The following DMBT1 variants were observed in gnomAD, a reference collection of about 807,000 sequenced individuals.
The protein encoded by DMBT1 is deleted in malignant brain tumors 1, also known as scavenger receptor cysteine-rich domain-containing protein DMBT1.
In DMBT1, 198 loss-of-function variants were observed where a neutral mutation model predicts 252.9. The observed-to-expected ratio is 0.78, with a 90% CI of 0.70 to 0.88. DMBT1 has a LOEUF of 0.88. Ranked by LOEUF, DMBT1 falls within the 40% of genes least tolerant of loss-of-function variation. DMBT1 has a pLI of 0.00. For synonymous variants in DMBT1, 990 were observed against 942.7 expected, an observed-to-expected ratio of 1.05 and a Z score of -0.92; for missense variants, 2,432 against 2,404.7, an observed-to-expected ratio of 1.01 and a Z score of -0.24.
rs1231062956 is a variant in DMBT1 at position 122,640,045 on chromosome 10, C to T, written c.6948C>T (p.Asp2316=). ...YSGCGTFKQA[D]NDTIDYSNFL... The stretch of plus-strand genomic sequence containing the variant: ...CTCTTGCCTGCCTCTCCTAGGCAGA[C>T]AATGACACCATCGACTATTCCAACT... The change falls in exon 55 of 56, where the codon GAC becomes GAT. Residue 2316 remains aspartate (D), a synonymous_variant. Coordinates refer to ENST00000338354, the MANE Select transcript of DMBT1 (RefSeq NM_001377530.1). The T allele has an allele frequency of 6.2e-7, 1 of 1,613,434 alleles. No individual in the cohort carries two copies.
chr10:122,598,069 T>C, intron 25 of DMBT1, 57 bp downstream of exon 25: 1 of 1,611,536 alleles, frequency 6.2e-7, no homozygotes. Flanking sequence ...GACAAATGTT[T>C]TTTCTGAAAA....
At chr10:122,561,017 G>T (rs2097541521) in intron 1 of DMBT1, among the ~76,000 whole-genome samples, 186 bp downstream of exon 1, 1 of 152,152 alleles carries the variant, frequency 6.6e-6, no homozygotes, top group South Asian at 2.1e-4. Flanking sequence ...TTCTGGCTGA[G>T]AAATATAAAT....
rs1165612300 is a variant in DMBT1 at position 122,593,611 on chromosome 10, T to G, written c.2530+13T>G. 4 of 1,585,894 alleles carry G rather than the reference T, an allele frequency of 2.5e-6. No individual in the cohort carries two copies. Among genetic ancestry groups the G allele is most frequent in the Admixed American group, 3.4e-5 (2 of 59,186 alleles). ...ACACCCAGTCCAGGTAGGTCCCCAG[T>G]GTCCTTCCTCAAAATGTCCCTTCTC... is the stretch of plus-strand genomic sequence containing the variant. On this transcript the variant is annotated intron_variant, in intron 21 of 55. Coordinates refer to ENST00000338354, the MANE Select transcript of DMBT1 (RefSeq NM_001377530.1).
chr10:122,634,981 T>G (rs2098214705), intron 52 of DMBT1, among the ~76,000 whole-genome samples: 1 of 152,166 alleles, frequency 6.6e-6, no homozygotes, highest in African/African-American at 2.4e-5. Context: ...AGTCTCTGCT[T>G]TAGTGATTCA....
intron 4 of DMBT1, 110 bp downstream of exon 4, chr10:122,571,047 C>A: frequency 7.5e-7 from 1 of 1,336,822 alleles, no homozygotes; most frequent in South Asian, 1.2e-5. Flanking sequence ...GTGCTGGTGT[C>A]ATGTTCTCAG....
intron 1 of DMBT1, among the ~76,000 whole-genome samples, chr10:122,561,899 C>CTCTCTG (rs57816388): frequency 0.67 from 99,706 of 148,058 alleles, 33,945 homozygotes; most frequent in South Asian, 0.78. Flanking sequence ...TATCACCTTT[C>CTCTCTG]TCTCTGTCTC....
In DMBT1 at chr10:122,578,843, A is replaced by G. The variant is rs529993270; in HGVS notation, c.679+84A>G. 2.3e-5 allele frequency: 32 copies of G among 1,379,642 alleles called. No homozygotes were observed. The African/African-American group carries it at 3.6e-4, about 15-fold the overall frequency. The allele number at this position is 1,379,642 out of a possible 1,614,324, so 85.5% of individuals were successfully genotyped here. On this transcript the variant is annotated intron_variant, in intron 9 of 55. Transcript: ENST00000338354. Reference sequence around the variant, plus strand: ...ATTTCATAGTTCACTTATGATTGCCATAAAGAGAGGTGGGGAAGTGGGCTA... The same window carrying G: ...ATTTCATAGTTCACTTATGATTGCCGTAAAGAGAGGTGGGGAAGTGGGCTA...
chr10:122,577,936 C>G lies in DMBT1; in HGVS notation c.637+96C>G, dbSNP rs911022003. 5.2e-6 allele frequency: 7 copies of G among 1,354,364 alleles called. No individual in the cohort carries two copies. The African/African-American group carries it at 8.7e-5, about 17-fold the overall frequency. The allele number at this position is 1,354,364 out of a possible 1,614,324, so 83.9% of individuals were successfully genotyped here. Reference sequence around the variant, plus strand: ...GAGCCCTCCTGCTTCTCTGCAGATACTCTGGGGCATATTATTTCACCCCCA... The same window carrying G: ...GAGCCCTCCTGCTTCTCTGCAGATAGTCTGGGGCATATTATTTCACCCCCA... On this transcript the variant is annotated intron_variant, in intron 8 of 55. Transcript: ENST00000338354.
rs182056042 is a variant in DMBT1, at chr10:122,633,191, C to G, written c.6398C>G (p.Thr2133Arg). 6.2e-7 allele frequency: 1 copy of G among 1,613,752 alleles called. No homozygotes were observed. The highest frequency in any genetic ancestry group is 2.2e-5 in the East Asian group (1 of 44,888). Residue 2133 changes from threonine (T) to arginine (R), a missense_variant and splice_region_variant, in exon 52 of 56, where the codon ACA becomes AGA. Around this residue, in one of 3 missense-constraint regions of DMBT1, gnomAD observed 1,162 missense variants for 1,169.0 expected, o/e 0.99. Transcript: ENST00000338354. ...APFLNITRPN[T>R]DYSCGGFLSQ... Reference sequence around the variant, plus strand: ...ACATTCCCACTTTTTGTCCTGACAGCAGATTATTCCTGCGGAGGCTTCCTA... The same window carrying G: ...ACATTCCCACTTTTTGTCCTGACAGGAGATTATTCCTGCGGAGGCTTCCTA...
chr10:122,561,885 C>A (rs545836790), intron 1 of DMBT1, among the ~76,000 whole-genome samples: 21 of 124,230 alleles, frequency 1.7e-4, no homozygotes, highest in African/African-American at 5.8e-4. Context: ...TATTGGGCAG[C>A]TATTATCACC....
At chr10:122,634,422 TC>T (rs59416488) in intron 52 of DMBT1, among the ~76,000 whole-genome samples, 1,072 of 88,272 alleles carry the variant, frequency 0.012, 30 homozygotes, top group African/African-American at 0.062. Flanking sequence ...TCTCTCTCTC[TC>T]TCTCTCTTCT....
chr10:122,631,168 C>T lies in DMBT1; in HGVS notation c.6233C>T (p.Thr2078Ile). 1 of 1,614,000 alleles carries T rather than the reference C, an allele frequency of 6.2e-7. No individual in the cohort carries two copies. Among genetic ancestry groups the T allele is most frequent in the Non-Finnish European group, 8.5e-7 (1 of 1,179,906 alleles). ...AYFGSGSGPI[T>I]LDDVECSGTE... ...TTTGGCTCTGGCTCTGGCCCCATCA[C>T]CCTGGACGATGTAGAGTGCTCAGGG... Residue 2078 changes from threonine to isoleucine, a missense_variant, in exon 49 of 56, where the codon ACC becomes ATC. Thr to Ile is a moderately conservative substitution (Grantham distance 89). Transcript: ENST00000338354.
intron 1 of DMBT1, among the ~76,000 whole-genome samples, chr10:122,564,972 T>A (rs1182096616): frequency 6.6e-6 from 1 of 152,176 alleles, no homozygotes; most frequent in East Asian, 1.9e-4. Flanking sequence ...ATGAAAAAAT[T>A]TGAATTTTTA....
intron 50 of DMBT1, 83 bp from the exon 51 acceptor site, chr10:122,632,777 CA>C (rs1358484882): frequency 5.8e-5 from 91 of 1,559,526 alleles, no homozygotes; most frequent in Non-Finnish European, 6.6e-5. Flanking sequence ...AGGCTTGGCA[CA>C]GCATCTGCAC....
At chr10:122,567,947 T>G (rs2097614648) in intron 2 of DMBT1, among the ~76,000 whole-genome samples, 1 of 152,158 alleles carries the variant, frequency 6.6e-6, no homozygotes, top group South Asian at 2.1e-4. Flanking sequence ...GACCAGTGAA[T>G]CCTCTTAGTA....
At position 122,599,061 on chromosome 10, in the gene DMBT1, T is replaced by G. The variant is rs745679762; in HGVS notation, c.3244T>G (p.Cys1082Gly). 12 of 1,613,694 alleles carry G rather than the reference T, an allele frequency of 7.4e-6. No homozygotes were observed. The East Asian group carries it at 2.7e-4, about 36-fold the overall frequency. ...CCACAATGGCTGGCTCTCCCACAAC[T>G]GTGGCCATAGTGAAGACGCTGGTGT... is the stretch of plus-strand genomic sequence containing the variant. ...CPHNGWLSHN[C>G]GHSEDAGVIC... The change falls in exon 26 of 56, where the codon TGT becomes GGT. Residue 1082 changes from cysteine (C) to glycine (G), a missense_variant. Around this residue, in one of 3 missense-constraint regions of DMBT1, gnomAD observed 1,264 missense variants for 1,082.2 expected, o/e 1.17. Coordinates refer to ENST00000338354, the MANE Select transcript of DMBT1 (RefSeq NM_001377530.1).
chr10:122,617,656 A>T (rs1443918323), intron 40 of DMBT1, among the ~76,000 whole-genome samples: 1 of 151,642 alleles, frequency 6.6e-6, no homozygotes, highest in Non-Finnish European at 1.5e-5. Flanking sequence ...GCCAGAAACC[A>T]GAGAGGACCA....
At chr10:122,576,325 C>T in intron 6 of DMBT1, 74 bp from the exon 7 acceptor site, 1 of 1,569,124 alleles carries the variant, frequency 6.4e-7, no homozygotes, top group Non-Finnish European at 8.7e-7. Context: ...GGGGAAGACC[C>T]TGAATGCCCT....
At chr10:122,577,907 C>A (rs1315343605) in intron 8 of DMBT1, 67 bp downstream of exon 8, 1 of 1,543,026 alleles carries the variant, frequency 6.5e-7, no homozygotes, top group Non-Finnish European at 8.9e-7. Flanking sequence ...TTCCCTACTC[C>A]ACAGAGCCCT....
Sources: gnomAD v4.1 joint callset for allele counts (sites outside exome capture counted in the v4.1 genomes callset) on GRCh38, gnomAD v4.1.1 for gene constraint, gnomAD v4.1.1 regional missense constraint, MANE v1.5 for transcripts, NCBI Gene and HGNC (gene_info 2026-07-23, HGNC 2026-07-21) for gene names.